The following OSBPL5 variants were observed in gnomAD, a reference collection of about 807,000 sequenced individuals.
OSBPL5 encodes the protein oxysterol-binding protein-related protein 5.
OSBPL5 carries 71 observed loss-of-function variants against 111.2 expected under a neutral mutation model. That is an observed-to-expected ratio of 0.64 (90% CI 0.53 to 0.78). OSBPL5 has a LOEUF of 0.78. Among genes scored for constraint, OSBPL5 ranks in the 30% least tolerant of loss-of-function variants. OSBPL5 has a pLI of 0.00. For synonymous variants in OSBPL5, 549 were observed against 513.9 expected (o/e 1.07, Z -0.93); for missense variants, 1,210 against 1,189.3 (o/e 1.02, Z -0.26).
At chr11:3,122,288 G>T in intron 4 of OSBPL5, 60 bp downstream of exon 4, 1 of 1,554,062 alleles carries the variant, frequency 6.4e-7, no homozygotes, top group Non-Finnish European at 8.8e-7. Flanking sequence ...GACCTCCCTG[G>T]CTCAGGTGGC....
Position 3,092,626 on chromosome 11 carries a change from A to C in OSBPL5, c.2133-68T>G. ...TCAGGTGAGGGGGCTGTCCTGGCCC[A>C]GTCTTCAGCCCCCCAACAGTGGCCA... On this transcript the variant is annotated intron_variant, in intron 18 of 21. Transcript: ENST00000263650. The surrounding 1 kb of genome is among the most constrained non-coding windows in gnomAD (Gnocchi z 5.4). The C allele has an allele frequency of 1.3e-6, 2 of 1,481,616 alleles. No homozygotes were observed. Among genetic ancestry groups the C allele is most frequent in the East Asian group, 2.5e-5 (1 of 40,394 alleles). The allele number at this position is 1,481,616 out of a possible 1,614,324, so 91.8% of individuals were successfully genotyped here.
At chr11:3,095,312 A>G (rs1590635282) in intron 14 of OSBPL5, among the ~76,000 whole-genome samples, 2 of 45,384 alleles carry the variant, frequency 4.4e-5, no homozygotes, top group East Asian at 4.4e-4. Flanking sequence ...CTCTGTCTCA[A>G]AAAAAAAAAA....
intron 21 of OSBPL5, 126 bp from the exon 22 acceptor site, chr11:3,088,469 G>A (rs1447634319): frequency 8.9e-7 from 1 of 1,118,972 alleles, no homozygotes; most frequent in African/African-American, 1.6e-5. Context: ...GAGATGGGAT[G>A]GCCCTCCAGG....
Position 3,090,581 on chromosome 11 carries a change from T to C in OSBPL5, c.2375A>G (p.Glu792Gly). ...ACCAGGGACAAAGTCACCATCCTGCTCCTCGTCTGAGAGCTCTGGGCAGGA... is the reference window on the plus strand; with the variant it reads ...ACCAGGGACAAAGTCACCATCCTGCCCCTCGTCTGAGAGCTCTGGGCAGGA... ...PESCPELSDE[E>G]QDGDFVPGGE... is the part of the protein sequence containing the mutation. Residue 792 changes from glutamate to glycine, a missense_variant, in exon 20 of 22, where the codon GAG becomes GGG. Physicochemically the swap from Glu to Gly is moderately conservative, Grantham distance 98. Coordinates refer to ENST00000263650, the MANE Select transcript of OSBPL5 (RefSeq NM_020896.4). 2 of 1,613,012 alleles carry C rather than the reference T, an allele frequency of 1.2e-6. No individual in the cohort carries two copies. Among genetic ancestry groups the C allele is most frequent in the Non-Finnish European group, 8.5e-7 (1 of 1,179,884 alleles).
rs1206537611 is a variant in OSBPL5 at position 3,105,682 on chromosome 11, G to T, written c.1060-1305C>A. On this transcript the variant is annotated intron_variant, in intron 9 of 21. Transcript: ENST00000263650. This position sits in a 1 kb window ranked among gnomAD's most constrained non-coding sequence, Gnocchi z 5.2. ...TGGCTCTGAGACACCTGGGCTCCTG[G>T]ATCCTCCCACCTCCCTGCCCCACCT... is the stretch of plus-strand genomic sequence containing the variant. 6.6e-6 allele frequency among the ~76,000 whole-genome samples: 1 copy of T among 152,036 alleles called. No individual in the cohort carries two copies. Among genetic ancestry groups the T allele is most frequent in the Non-Finnish European group, 1.5e-5 (1 of 67,988 alleles).
intron 7 of OSBPL5, among the ~76,000 whole-genome samples, chr11:3,112,738 G>C (rs1273029694): frequency 6.6e-6 from 1 of 152,112 alleles, no homozygotes; most frequent in Non-Finnish European, 1.5e-5. Context: ...GTCTCCTTAT[G>C]CAATCCTATG....
At chr11:3,149,309 G>C (rs1386882082) in intron 1 of OSBPL5, among the ~76,000 whole-genome samples, 1 of 152,196 alleles carries the variant, frequency 6.6e-6, no homozygotes, top group Non-Finnish European at 1.5e-5. Context: ...GGCATGGGCT[G>C]GGGGGGCAGT....
chr11:3,103,853 AGTCTGCGCAGCCCCCTTCCT>A (rs1564830697), intron 10 of OSBPL5, among the ~76,000 whole-genome samples: 43 of 48,794 alleles, frequency 8.8e-4, no homozygotes, highest in Non-Finnish European at 1.3e-3. Flanking sequence ...GCCCCTTTCC[AGTCTGCGCAGCCCCCTTCCT>A]GCCTCTGTAG....
chr11:3,144,757 C>T (rs1311458447), intron 1 of OSBPL5, among the ~76,000 whole-genome samples: 1 of 152,254 alleles, frequency 6.6e-6, no homozygotes, highest in Non-Finnish European at 1.5e-5. Context: ...CCCCAGTCCC[C>T]CAAGGCGTCC....
Position 3,142,829 on chromosome 11 carries a change from G to A in OSBPL5, c.-21-13660C>T, listed in dbSNP as rs1490830703. 6.6e-6 allele frequency among the ~76,000 whole-genome samples: 1 copy of A among 151,924 alleles called. No homozygotes were observed. Among genetic ancestry groups the A allele is most frequent in the Non-Finnish European group, 1.5e-5 (1 of 67,988 alleles). On this transcript the variant is annotated intron_variant, in intron 1 of 21. Coordinates refer to ENST00000263650, the MANE Select transcript of OSBPL5 (RefSeq NM_020896.4). This position sits in a 1 kb window ranked among gnomAD's most constrained non-coding sequence, Gnocchi z 7.1. ...GCAGCCTTGCGGGTAGAAGGGCAGT[G>A]ACTGCCCACTCCTTGCACACAAGGA... is the stretch of plus-strand genomic sequence containing the variant.
At position 3,107,430 on chromosome 11, in the gene OSBPL5, C is replaced by G. The variant is rs745480803; in HGVS notation, c.892G>C (p.Asp298His). 32 of 1,613,950 alleles carry G rather than the reference C, an allele frequency of 2.0e-5. No homozygotes were observed. Among genetic ancestry groups the G allele is most frequent in the Non-Finnish European group, 2.5e-5 (30 of 1,179,988 alleles). The change falls in exon 9 of 22, where the codon GAT becomes CAT. Residue 298 changes from aspartate to histidine, a missense_variant. Coordinates refer to ENST00000263650, the MANE Select transcript of OSBPL5 (RefSeq NM_020896.4). This position sits in a 1 kb window ranked among gnomAD's most constrained non-coding sequence, Gnocchi z 6.1. The part of the protein sequence containing the change: ...FPLNGSSLEN[D>H]AFSDKSEREN... Reference sequence around the variant, plus strand: ...CTCTCCGACTTGTCTGAGAATGCATCGTTCTCCAGGGAAGACCCGTTCAGT... The same window carrying G: ...CTCTCCGACTTGTCTGAGAATGCATGGTTCTCCAGGGAAGACCCGTTCAGT...
chr11:3,156,746 C>T (rs1210380562), intron 1 of OSBPL5, among the ~76,000 whole-genome samples: 1 of 152,252 alleles, frequency 6.6e-6, no homozygotes, highest in African/African-American at 2.4e-5. Flanking sequence ...TAGGAGGCGG[C>T]CCCTCCCTGC....
At chr11:3,151,845 G>GT (rs1846598243) in intron 1 of OSBPL5, among the ~76,000 whole-genome samples, 1 of 152,218 alleles carries the variant, frequency 6.6e-6, no homozygotes, top group Non-Finnish European at 1.5e-5. Context: ...CCTCCCTGGG[G>GT]CGGGCTTTGC....
At chr11:3,100,967 ATTTCTT>A (rs764437524) in intron 13 of OSBPL5, among the ~76,000 whole-genome samples, 5 of 132,808 alleles carry the variant, frequency 3.8e-5, no homozygotes, top group African/African-American at 1.5e-4. Context: ...TTTCAGTTTC[ATTTCTT>A]TTTTTTTTTT....
chr11:3,093,366 C>T (rs1031482299), intron 17 of OSBPL5, 161 bp downstream of exon 17: 2 of 1,182,382 alleles, frequency 1.7e-6, no homozygotes, highest in African/African-American at 1.5e-5. Flanking sequence ...TCCATCTGTC[C>T]TTTCCAGGAC....
chr11:3,135,258 C>T (rs1222269392), intron 1 of OSBPL5, among the ~76,000 whole-genome samples: 1 of 152,256 alleles, frequency 6.6e-6, no homozygotes, highest in Non-Finnish European at 1.5e-5. Flanking sequence ...GCCCAGCTGA[C>T]TTCCTTGACT....
rs1858790064 is a variant in OSBPL5, at chr11:3,130,559, A to G, written c.-21-1390T>C. ...GAAGTCAGAGTGGGGAGGGGCTCCA[A>G]GGATGCAGCCAGGCTGGGCCAGCCC... On this transcript the variant is annotated intron_variant, in intron 1 of 21. Coordinates refer to ENST00000263650, the MANE Select transcript of OSBPL5 (RefSeq NM_020896.4). The surrounding 1 kb of genome is among the most constrained non-coding windows in gnomAD (Gnocchi z 4.5). Among the ~76,000 whole-genome samples, 1 of 152,150 alleles carries G rather than the reference A, an allele frequency of 6.6e-6. No homozygotes were observed. The highest frequency in any genetic ancestry group is 2.1e-4 in the South Asian group (1 of 4,828).
At position 3,122,097 on chromosome 11, in the gene OSBPL5, G is replaced by A. The variant is rs200060869; in HGVS notation, c.302C>T (p.Ala101Val). Reference sequence around the variant, plus strand: ...CTCCTGCCGGTAGTTCTCCTTCTGCGCCTGGGCCCGGGGCACCCGCGGTGG... The same window carrying A: ...CTCCTGCCGGTAGTTCTCCTTCTGCACCTGGGCCCGGGGCACCCGCGGTGG... Reference protein sequence around the residue: ...ARVTKKETLKAQKENYRQEKK... With the variant: ...ARVTKKETLKVQKENYRQEKK... The change falls in exon 5 of 22, where the codon GCG becomes GTG. Residue 101 changes from alanine to valine, a missense_variant and splice_region_variant. Coordinates refer to ENST00000263650, the MANE Select transcript of OSBPL5 (RefSeq NM_020896.4). 1.3e-5 allele frequency: 21 copies of A among 1,564,036 alleles called. No homozygotes were observed. The highest frequency in any genetic ancestry group is 3.5e-4 in the Middle Eastern group (2 of 5,682).
chr11:3,129,839 C>T (rs550868148), intron 1 of OSBPL5, among the ~76,000 whole-genome samples: 1 of 152,356 alleles, frequency 6.6e-6, no homozygotes, highest in South Asian at 2.1e-4. Context: ...CAAGACGTTG[C>T]ATTCCCAGTG....
Sources: gnomAD v4.1 joint callset for allele counts (sites outside exome capture counted in the v4.1 genomes callset) on GRCh38, gnomAD v4.1.1 for gene constraint, Gnocchi (gnomAD v3.1) non-coding constraint, MANE v1.5 for transcripts, NCBI Gene and HGNC (gene_info 2026-07-23, HGNC 2026-07-21) for gene names.